Variants in NRG3 observed in about 807,000 individuals in gnomAD.
NRG3 encodes the protein pro-neuregulin-3, membrane-bound isoform.
In NRG3, 31 loss-of-function variants were observed where a neutral mutation model predicts 66.9. The ratio of observed to expected loss-of-function variants is 0.46; its 90% confidence interval spans 0.35 to 0.63. The LOEUF (loss-of-function observed/expected upper bound fraction) is 0.63, where lower values mean the gene tolerates loss of function less well. NRG3 is among the 20% of genes least tolerant of loss of function. The probability of loss-of-function intolerance (pLI) is 0.00; values close to 1 mark genes in which losing one functional copy is unlikely to be tolerated. For synonymous variants in NRG3, 393 were observed against 359.4 expected, an observed-to-expected ratio of 1.09 and a Z score of -1.06; for missense variants, 910 against 878.9, an observed-to-expected ratio of 1.04 and a Z score of -0.45.
At chr10:82,957,280 A>G (rs999044564) in intron 5 of NRG3, among the ~76,000 whole-genome samples, 3 of 151,950 alleles carry the variant, frequency 2.0e-5, no homozygotes, top group Non-Finnish European at 4.4e-5. Flanking sequence ...TTATTAGGGT[A>G]GCAAAACTAG....
chr10:82,633,841 C>T (rs183851369), intron 2 of NRG3, among the ~76,000 whole-genome samples: 1 of 152,256 alleles, frequency 6.6e-6, no homozygotes, highest in Non-Finnish European at 1.5e-5. Flanking sequence ...GCTTATTTGA[C>T]CATCAATTTT....
chr10:82,588,404 T>C (rs1217745656), intron 2 of NRG3, among the ~76,000 whole-genome samples: 1 of 152,112 alleles, frequency 6.6e-6, no homozygotes, highest in East Asian at 1.9e-4. Flanking sequence ...TTGCTCCCCC[T>C]TTGCCTTCCT....
chr10:82,796,013 G>A (rs752131383), intron 3 of NRG3, among the ~76,000 whole-genome samples: 2 of 151,740 alleles, frequency 1.3e-5, no homozygotes, highest in Non-Finnish European at 2.9e-5. Flanking sequence ...TTTACCAATC[G>A]ATTCATATTT....
chr10:82,118,747 G>C (rs75427797), intron 1 of NRG3, among the ~76,000 whole-genome samples: 130 of 152,094 alleles, frequency 8.5e-4, no homozygotes, highest in African/African-American at 3.0e-3. Flanking sequence ...CTTTGCAATA[G>C]ATGTGGAAAG....
chr10:82,879,467 C>CTTTTTT lies in NRG3; in HGVS notation c.1054+14048_1054+14053dup, dbSNP rs201614818. 6.1e-4 allele frequency among the ~76,000 whole-genome samples: 74 copies of CTTTTTT among 121,836 alleles called. 2 individuals carry two copies. The highest frequency in any genetic ancestry group is 1.9e-3 in the African/African-American group (61 of 31,886). The allele number at this position is 121,836 out of a possible 152,430, so 79.9% of individuals were successfully genotyped here. On this transcript the variant is annotated intron_variant, in intron 4 of 8. Coordinates refer to ENST00000372141, the MANE Select transcript of NRG3 (RefSeq NM_001010848.4). The stretch of plus-strand genomic sequence containing the variant: ...AAAAATGGTATTAATCTAATGAAGA[C>CTTTTTT]TTTTTTTTTTTTTTTTTTTTTTTGA...
At chr10:82,844,983 C>G (rs957204712) in intron 3 of NRG3, among the ~76,000 whole-genome samples, 2 of 151,874 alleles carry the variant, frequency 1.3e-5, no homozygotes, top group Admixed American at 6.6e-5. Flanking sequence ...GGTGAAACCC[C>G]GTTTCTACTA....
chr10:81,939,159 T>G (rs1459235859), intron 1 of NRG3, among the ~76,000 whole-genome samples: 2 of 152,026 alleles, frequency 1.3e-5, no homozygotes, highest in South Asian at 2.1e-4. Flanking sequence ...GAATTCAGTT[T>G]GCTAGTATTT....
chr10:82,316,996 T>G (rs1331634169), intron 1 of NRG3, among the ~76,000 whole-genome samples: 1 of 152,142 alleles, frequency 6.6e-6, no homozygotes, highest in Non-Finnish European at 1.5e-5. Context: ...TTTGTGCCAA[T>G]TAGCTTACCT....
intron 1 of NRG3, among the ~76,000 whole-genome samples, chr10:82,163,067 A>T (rs1467622966): frequency 6.6e-6 from 1 of 152,048 alleles, no homozygotes; most frequent in Non-Finnish European, 1.5e-5. Context: ...TACCCAAACC[A>T]TTCAGGCCAG....
intron 1 of NRG3, among the ~76,000 whole-genome samples, chr10:82,176,570 G>T (rs557351681): frequency 2.2e-4 from 34 of 152,230 alleles, no homozygotes; most frequent in South Asian, 8.3e-4. Flanking sequence ...CTTGGATTGA[G>T]CTGATTGAAC....
intron 1 of NRG3, among the ~76,000 whole-genome samples, chr10:82,134,347 G>C (rs180911796): frequency 2.6e-5 from 4 of 152,236 alleles, no homozygotes; most frequent in Non-Finnish European, 1.5e-5. Context: ...CCTATGTCTA[G>C]GATGGTAATG....
chr10:82,351,890 T>G, intron 1 of NRG3, among the ~76,000 whole-genome samples: 1 of 152,242 alleles, frequency 6.6e-6, no homozygotes, highest in Non-Finnish European at 1.5e-5. Context: ...CAAGCCCTAC[T>G]ACCGTCCTCC....
chr10:82,811,662 C>A (rs2135507634), intron 3 of NRG3, among the ~76,000 whole-genome samples: 1 of 152,326 alleles, frequency 6.6e-6, no homozygotes, highest in African/African-American at 2.4e-5. Flanking sequence ...AAGCAATGAT[C>A]TCTAAATTAA....
At chr10:82,222,302 A>G (rs17099635) in intron 1 of NRG3, among the ~76,000 whole-genome samples, 20,130 of 151,974 alleles carry the variant, frequency 0.13, 1,670 homozygotes, top group Admixed American at 0.22. Flanking sequence ...AATAGAATAG[A>G]ACAATTTCTT....
intron 2 of NRG3, among the ~76,000 whole-genome samples, chr10:82,630,669 ACT>A (rs979378542): frequency 6.6e-6 from 1 of 151,080 alleles, no homozygotes; most frequent in Non-Finnish European, 1.5e-5. Flanking sequence ...CAAGAGTGAA[ACT>A]CTGTCAAAAA....
At chr10:82,772,886 G>T (rs1185689745) in intron 3 of NRG3, among the ~76,000 whole-genome samples, 3 of 151,380 alleles carry the variant, frequency 2.0e-5, no homozygotes, top group Admixed American at 1.3e-4. Context: ...TTTATTTTTT[G>T]TAGAGACAAG....
chr10:82,085,690 G>A (rs966381927), intron 1 of NRG3, among the ~76,000 whole-genome samples: 2 of 151,886 alleles, frequency 1.3e-5, no homozygotes, highest in African/African-American at 4.8e-5. Context: ...AGGCTGGAGT[G>A]CAATGGTGCA....
intron 2 of NRG3, among the ~76,000 whole-genome samples, chr10:82,491,164 T>C (rs1843059178): frequency 6.6e-6 from 1 of 151,658 alleles, no homozygotes; most frequent in African/African-American, 2.4e-5. Context: ...CTTTAATAAC[T>C]ACCTCATCCT....
chr10:82,782,048 A>G (rs993550055), intron 3 of NRG3, among the ~76,000 whole-genome samples: 1 of 152,094 alleles, frequency 6.6e-6, no homozygotes, highest in African/African-American at 2.4e-5. Flanking sequence ...ATCTTTTTCC[A>G]CCTTGAAGAC....
Sources: allele counts gnomAD v4.1 joint callset (sites outside exome capture counted in the v4.1 genomes callset), GRCh38; gene constraint gnomAD v4.1.1; transcripts MANE v1.5; gene names NCBI Gene and HGNC (gene_info 2026-07-23, HGNC 2026-07-21).